The following APCDD1 variants were observed in gnomAD, a reference collection of about 807,000 sequenced individuals.
APCDD1 encodes the protein APC down-regulated 1.
Under a neutral mutation model 38.1 loss-of-function variants are expected in APCDD1, and 15 were observed. That is an observed-to-expected ratio of 0.39 (90% CI 0.26 to 0.61). APCDD1 has a LOEUF of 0.61. Among genes scored for constraint, APCDD1 ranks in the 20% least tolerant of loss-of-function variants. The pLI, the probability that APCDD1 is intolerant of heterozygous loss-of-function variation, is 0.49. For missense variants in APCDD1, 647 were observed against 696.2 expected (o/e 0.93, Z 0.79); for synonymous variants, 261 against 279.7 (o/e 0.93, Z 0.67).
intron 3 of APCDD1, among the ~76,000 whole-genome samples, chr18:10,473,652 G>C (rs2030918038): frequency 6.6e-6 from 1 of 152,186 alleles, no homozygotes; most frequent in African/African-American, 2.4e-5. Flanking sequence ...AGGAGAATCG[G>C]CTCATAGGGT....
At chr18:10,481,825 CA>C (rs34793508) in intron 3 of APCDD1, among the ~76,000 whole-genome samples, 61,224 of 151,470 alleles carry the variant, frequency 0.4, 12,564 homozygotes, top group East Asian at 0.55. Context: ...CTCCACAAGA[CA>C]AAAAAAACAA....
At position 10,470,867 on chromosome 18, in the gene APCDD1, C is replaced by A. The variant is rs376723454; in HGVS notation, c.243-663C>A. Among the ~76,000 whole-genome samples the A allele has an allele frequency of 6.6e-6, 1 of 152,182 alleles. No individual in the cohort carries two copies. The highest frequency in any genetic ancestry group is 6.5e-5 in the Admixed American group (1 of 15,282). On this transcript the variant is annotated intron_variant, in intron 2 of 4. Transcript: ENST00000355285. This position sits in a 1 kb window ranked among gnomAD's most constrained non-coding sequence, Gnocchi z 4.1. ...CATTCATCTAAGGCCACACTGGCAA[C>A]CATCATAAACAAAAGGAACCCTTAT...
chr18:10,488,195 A>G lies in APCDD1; in HGVS notation c.*157A>G. ...CCTCCCTCCCAGCCCCTGAGTCATGAACAGCAAGGAGTGTTTGAAGTTTCT... is the reference window on the plus strand; with the variant it reads ...CCTCCCTCCCAGCCCCTGAGTCATGGACAGCAAGGAGTGTTTGAAGTTTCT... On this transcript the variant is annotated 3_prime_UTR_variant, in exon 5 of 5. Coordinates refer to ENST00000355285, the MANE Select transcript of APCDD1 (RefSeq NM_153000.5). 1.1e-6 allele frequency: 1 copy of G among 932,224 alleles called. No individual in the cohort carries two copies. Among genetic ancestry groups the G allele is most frequent in the South Asian group, 1.6e-5 (1 of 62,728 alleles). The allele number at this position is 932,224 out of a possible 1,614,324, so 57.7% of individuals were successfully genotyped here.
At position 10,469,996 on chromosome 18, in the gene APCDD1, G is replaced by A. The variant is rs2030812939; in HGVS notation, c.242+1344G>A. ...AAAGTCATTGAAGAGCTTTCAGCAGGGGCCATGCTTAAAATATGATTCAGC... is the reference window on the plus strand; with the variant it reads ...AAAGTCATTGAAGAGCTTTCAGCAGAGGCCATGCTTAAAATATGATTCAGC... On this transcript the variant is annotated intron_variant, in intron 2 of 4. Transcript: ENST00000355285. This position sits in a 1 kb window ranked among gnomAD's most constrained non-coding sequence, Gnocchi z 5.5. 6.6e-6 allele frequency among the ~76,000 whole-genome samples: 1 copy of A among 152,162 alleles called. No individual in the cohort carries two copies. The highest frequency in any genetic ancestry group is 1.5e-5 in the Non-Finnish European group (1 of 68,024).
intron 1 of APCDD1, 84 bp downstream of exon 1, chr18:10,455,123 G>A: frequency 6.5e-7 from 1 of 1,535,416 alleles, no homozygotes; most frequent in Admixed American, 2.0e-5. Context: ...GTCGGGTCTG[G>A]ATCGCGGCAC....
intron 3 of APCDD1, among the ~76,000 whole-genome samples, chr18:10,483,642 A>C (rs1346086926): frequency 1.3e-5 from 2 of 152,184 alleles, no homozygotes; most frequent in East Asian, 3.9e-4. Flanking sequence ...GAGATCTCCA[A>C]CTTTAGAGAA....
intron 4 of APCDD1, 52 bp from the exon 5 acceptor site, chr18:10,487,538 G>A: frequency 6.3e-7 from 1 of 1,589,650 alleles, no homozygotes; most frequent in East Asian, 2.2e-5. Context: ...GTGGGTTTCT[G>A]GATCCCACGC....
At position 10,485,738 on chromosome 18, in the gene APCDD1, G is replaced by T. The variant is rs116815061; in HGVS notation, c.1051G>T (p.Val351Phe). The T allele has an allele frequency of 6.2e-7, 1 of 1,613,948 alleles. No homozygotes were observed. Among genetic ancestry groups the T allele is most frequent in the South Asian group, 1.1e-5 (1 of 91,082 alleles). Residue 351 changes from valine (V) to phenylalanine (F), a missense_variant, in exon 4 of 5, where the codon GTC (valine) becomes TTC (phenylalanine). By Grantham distance (50) the Val-to-Phe change is conservative (BLOSUM62 -1). Transcript: ENST00000355285. This position sits in a 1 kb window ranked among gnomAD's most constrained non-coding sequence, Gnocchi z 5.8. ...IYARGRYSRGVLSSRVMGGTE... is the reference protein window; with the variant it reads ...IYARGRYSRGFLSSRVMGGTE... ...CGCCCGGGGCCGCTACAGCCGCGGC[G>T]TCCTCTCGTCCAGGGTCATGGGAGG...
intron 1 of APCDD1, among the ~76,000 whole-genome samples, chr18:10,465,554 T>C (rs953358451): frequency 6.6e-6 from 1 of 152,232 alleles, no homozygotes; most frequent in African/African-American, 2.4e-5. Context: ...CCATATTTTC[T>C]CACACAGCAT....
rs569543421 is a variant in APCDD1, at chr18:10,478,933, G to GTGA, written c.775-6525_775-6523dup. 1.4e-4 allele frequency among the ~76,000 whole-genome samples: 22 copies of GTGA among 152,302 alleles called. No homozygotes were observed. In the East Asian group the frequency reaches 4.2e-3, roughly 29 times the overall value. On this transcript the variant is annotated intron_variant, in intron 3 of 4. Coordinates refer to ENST00000355285, the MANE Select transcript of APCDD1 (RefSeq NM_153000.5). ...CAAGGCAGGTGGGCGCCCATCATTTGTGATGAATGCTAGCTACTCCATTTA... is the reference window on the plus strand; with the variant it reads ...CAAGGCAGGTGGGCGCCCATCATTTGTGATGATGAATGCTAGCTACTCCATTTA...
chr18:10,471,421 C>T lies in APCDD1; in HGVS notation c.243-109C>T. The stretch of plus-strand genomic sequence containing the variant: ...TAAAGGGCTGACAACAGAGTCTGGC[C>T]CATCGTCAGCACTTTATTATTATTT... On this transcript the variant is annotated intron_variant, in intron 2 of 4. Transcript: ENST00000355285. The surrounding 1 kb of genome is among the most constrained non-coding windows in gnomAD (Gnocchi z 5.5). The T allele has an allele frequency of 7.1e-7, 1 of 1,413,286 alleles. No individual in the cohort carries two copies. The allele number at this position is 1,413,286 out of a possible 1,614,324, so 87.5% of individuals were successfully genotyped here.
chr18:10,480,230 G>A (rs1465875700), intron 3 of APCDD1, among the ~76,000 whole-genome samples: 1 of 152,094 alleles, frequency 6.6e-6, no homozygotes, highest in Non-Finnish European at 1.5e-5. Context: ...ATAATTTTAC[G>A]GAGCAAATGA....
At chr18:10,464,535 G>T (rs1179304938) in intron 1 of APCDD1, among the ~76,000 whole-genome samples, 2 of 152,156 alleles carry the variant, frequency 1.3e-5, no homozygotes, top group South Asian at 4.1e-4. Context: ...TGATCCTCCC[G>T]CCTCAGCCTC....
intron 3 of APCDD1, among the ~76,000 whole-genome samples, chr18:10,479,753 T>C (rs943907434): frequency 7.9e-5 from 12 of 152,074 alleles, no homozygotes; most frequent in African/African-American, 2.9e-4. Context: ...GGTTGTAAAG[T>C]CTAAGGAGAT....
At chr18:10,480,033 A>G (rs2031098782) in intron 3 of APCDD1, among the ~76,000 whole-genome samples, 2 of 152,194 alleles carry the variant, frequency 1.3e-5, no homozygotes, top group Non-Finnish European at 2.9e-5. Context: ...AATAGCAACA[A>G]GGAAACACTT....
chr18:10,454,955 G>C lies in APCDD1; in HGVS notation c.-27G>C, dbSNP rs1176038912. 2.0e-6 allele frequency: 3 copies of C among 1,503,550 alleles called. No individual in the cohort carries two copies. The highest frequency in any genetic ancestry group is 2.2e-5 in the Admixed American group (1 of 45,920). The allele number at this position is 1,503,550 out of a possible 1,614,324, so 93.1% of individuals were successfully genotyped here. ...CGGGCACCAAATCGGAGCGCGGCGT[G>C]CGGGAGGCCCCAGAGCAGGACTGGA... On this transcript the variant is annotated 5_prime_UTR_variant, in exon 1 of 5. Transcript: ENST00000355285.
intron 1 of APCDD1, among the ~76,000 whole-genome samples, chr18:10,463,525 G>T (rs1002164573): frequency 6.6e-6 from 1 of 152,300 alleles, no homozygotes; most frequent in African/African-American, 2.4e-5. Flanking sequence ...AGGAAGCTTT[G>T]GGGTTTACCG....
In APCDD1 at chr18:10,485,543, G is replaced by C. The variant is rs1327262874; in HGVS notation, c.856G>C (p.Asp286His). The C allele has an allele frequency of 6.2e-7, 1 of 1,614,162 alleles. No individual in the cohort carries two copies. The highest frequency in any genetic ancestry group is 1.1e-5 in the South Asian group (1 of 91,082). Reference protein sequence around the residue: ...HHPPILPPKADLTIGLHGEWV... With the variant: ...HHPPILPPKAHLTIGLHGEWV... ...CCCTCCCATCCTGCCCCCAAAGGCA[G>C]ACCTGACCATCGGCCTGCACGGGGA... The change falls in exon 4 of 5, where the codon GAC becomes CAC. Residue 286 changes from aspartate to histidine, a missense_variant. Transcript: ENST00000355285. The surrounding 1 kb of genome is among the most constrained non-coding windows in gnomAD (Gnocchi z 5.8).
intron 4 of APCDD1, among the ~76,000 whole-genome samples, chr18:10,486,713 AAGTTTGAGCATCTT>A (rs2031256905): frequency 6.6e-6 from 1 of 151,982 alleles, no homozygotes; most frequent in Admixed American, 6.6e-5. Flanking sequence ...TTTTCCCCCT[AAGTTTGAGCATCTT>A]TGTAAAATGG....
Sources: allele counts gnomAD v4.1 joint callset (sites outside exome capture counted in the v4.1 genomes callset), GRCh38; gene constraint gnomAD v4.1.1; non-coding constraint Gnocchi (gnomAD v3.1); transcripts MANE v1.5; gene names NCBI Gene and HGNC (gene_info 2026-07-23, HGNC 2026-07-21).